SYT14: variants seen among roughly 807,000 people sequenced by gnomAD.
The protein encoded by SYT14 is synaptotagmin-14.
A neutral mutation model predicts 74.2 loss-of-function variants in SYT14; 32 were observed. That is an observed-to-expected ratio of 0.43 (90% CI 0.33 to 0.58). The LOEUF (loss-of-function observed/expected upper bound fraction) is 0.58, where lower values mean the gene tolerates loss of function less well. SYT14 is among the 20% of genes least tolerant of loss of function. The pLI is 0.05. For synonymous variants in SYT14, 298 were observed against 337.7 expected (o/e 0.88, Z 1.29); for missense variants, 791 against 981.8 (o/e 0.81, Z 2.60).
chr1:210,038,696 C>G (rs2080721715), intron 5 of SYT14, among the ~76,000 whole-genome samples: 1 of 152,010 alleles, frequency 6.6e-6, no homozygotes, highest in African/African-American at 2.4e-5. Context: ...AGTAAAATAA[C>G]AAATTCATGG....
intron 2 of SYT14, among the ~76,000 whole-genome samples, chr1:209,962,289 A>G (rs764620320): frequency 7.3e-5 from 11 of 151,522 alleles, no homozygotes; most frequent in African/African-American, 2.7e-4. Context: ...TATATAGCTC[A>G]GTGACTTCTA....
chr1:210,125,623 T>C (rs372302778), intron 7 of SYT14, among the ~76,000 whole-genome samples: 5 of 152,358 alleles, frequency 3.3e-5, no homozygotes, highest in African/African-American at 1.2e-4. Context: ...TAAACCTTGC[T>C]ACTCCAGCTC....
At chr1:210,050,614 A>C (rs1334899679) in intron 5 of SYT14, among the ~76,000 whole-genome samples, 1 of 152,228 alleles carries the variant, frequency 6.6e-6, no homozygotes, top group Non-Finnish European at 1.5e-5. Flanking sequence ...GACAGTTTAC[A>C]AAAGAAAGAG....
At chr1:210,166,494 A>C (rs1489527667) in exon 10 of SYT14, 1 of 152,358 alleles carries the variant, frequency 6.6e-6, no homozygotes, top group African/African-American at 2.4e-5. Flanking sequence ...GGAGCCTGGC[A>C]AGTCAAGGCT....
intron 2 of SYT14, among the ~76,000 whole-genome samples, chr1:210,009,487 T>C (rs2080046784): frequency 1.3e-5 from 2 of 152,124 alleles, no homozygotes; most frequent in Admixed American, 6.5e-5. Context: ...ATTTCACCTT[T>C]TCCTAGTGGG....
intron 2 of SYT14, among the ~76,000 whole-genome samples, chr1:209,980,794 C>T (rs2079470221): frequency 1.3e-5 from 2 of 152,018 alleles, no homozygotes; most frequent in Non-Finnish European, 2.9e-5. Flanking sequence ...CTATTCTGTT[C>T]CATTGGTCTA....
intron 5 of SYT14, among the ~76,000 whole-genome samples, chr1:210,064,208 T>G (rs1373844913): frequency 6.6e-6 from 1 of 152,046 alleles, no homozygotes; most frequent in African/African-American, 2.4e-5. Flanking sequence ...CAAAGTTCAT[T>G]CATGTTATGG....
chr1:210,022,587 TG>T (rs2080326645), intron 5 of SYT14, among the ~76,000 whole-genome samples: 1 of 152,238 alleles, frequency 6.6e-6, no homozygotes, highest in Non-Finnish European at 1.5e-5. Context: ...ATATTAGCTG[TG>T]AAACCTTTGG....
chr1:209,985,090 A>G (rs1436809772), intron 2 of SYT14, among the ~76,000 whole-genome samples: 4 of 152,114 alleles, frequency 2.6e-5, no homozygotes, highest in African/African-American at 7.2e-5. Flanking sequence ...TGTCCTTCTC[A>G]TGTTGCTAAA....
chr1:210,037,378 C>T (rs2080688433), intron 5 of SYT14, among the ~76,000 whole-genome samples: 1 of 151,844 alleles, frequency 6.6e-6, no homozygotes, highest in South Asian at 2.1e-4. Flanking sequence ...CAAAGAACTA[C>T]GTTTCATTTG....
intron 5 of SYT14, among the ~76,000 whole-genome samples, chr1:210,077,566 C>T (rs974197736): frequency 2.6e-5 from 4 of 152,084 alleles, no homozygotes; most frequent in Admixed American, 6.6e-5. Context: ...TACAAAAAAT[C>T]GTTGTGTGGA....
intron 2 of SYT14, among the ~76,000 whole-genome samples, chr1:209,977,626 G>A (rs1261887520): frequency 1.3e-5 from 2 of 152,088 alleles, no homozygotes; most frequent in Non-Finnish European, 2.9e-5. Flanking sequence ...TTTCTCTCTG[G>A]CTGCCCTTAA....
intron 2 of SYT14, among the ~76,000 whole-genome samples, chr1:209,968,051 ATGCAG>A (rs1014442987): frequency 1.3e-5 from 2 of 152,192 alleles, no homozygotes; most frequent in African/African-American, 4.8e-5. Context: ...GGAATTTATA[ATGCAG>A]TGTTAGCTAT....
chr1:210,060,084 G>GT (rs2081180678), intron 5 of SYT14, among the ~76,000 whole-genome samples: 1 of 152,108 alleles, frequency 6.6e-6, no homozygotes, highest in Non-Finnish European at 1.5e-5. Flanking sequence ...AACTTCATTT[G>GT]TTTTTTCTTA....
At chr1:210,099,844 C>T (rs1387230651) in intron 6 of SYT14, among the ~76,000 whole-genome samples, 168 bp from the exon 6 acceptor site, 1 of 152,172 alleles carries the variant, frequency 6.6e-6, no homozygotes. Flanking sequence ...GTACTAATCT[C>T]GCTCTATAGG....
At chr1:209,969,072 T>C (rs565577023) in intron 2 of SYT14, among the ~76,000 whole-genome samples, 2 of 152,294 alleles carry the variant, frequency 1.3e-5, no homozygotes, top group East Asian at 3.9e-4. Flanking sequence ...GTAGAGGACG[T>C]GATTTCATTA....
intron 7 of SYT14, among the ~76,000 whole-genome samples, chr1:210,150,452 T>G (rs553465842): frequency 6.6e-6 from 1 of 152,308 alleles, no homozygotes; most frequent in East Asian, 1.9e-4. Flanking sequence ...ATCATGCTCT[T>G]TCTTCCTCTC....
At chr1:209,948,195 G>A (rs931340403) in intron 1 of SYT14, among the ~76,000 whole-genome samples, 6 of 152,282 alleles carry the variant, frequency 3.9e-5, no homozygotes, top group African/African-American at 1.4e-4. Context: ...GATGTATTTC[G>A]ATGGGGCTGC....
chr1:210,065,586 AATTAT>A (rs1384059352), intron 5 of SYT14, among the ~76,000 whole-genome samples: 1 of 151,796 alleles, frequency 6.6e-6, no homozygotes, highest in East Asian at 1.9e-4. Context: ...AAATTGAGAC[AATTAT>A]ATTTTGTCTT....
Sources: allele counts gnomAD v4.1 joint callset (sites outside exome capture counted in the v4.1 genomes callset), GRCh38; gene constraint gnomAD v4.1.1; transcripts MANE v1.5; gene names NCBI Gene and HGNC (gene_info 2026-07-23, HGNC 2026-07-21).